Variants in ARHGAP35 observed in about 807,000 individuals in gnomAD.
The protein encoded by ARHGAP35 is rho GTPase-activating protein 35.
In ARHGAP35, 15 loss-of-function variants were observed where a neutral mutation model predicts 111.1. That is an observed-to-expected ratio of 0.13 (90% CI 0.09 to 0.21). The LOEUF (loss-of-function observed/expected upper bound fraction) is 0.21. ARHGAP35 is among the 10% of genes least tolerant of loss of function. The probability of loss-of-function intolerance (pLI) is 1.00; values close to 1 mark genes in which losing one functional copy is unlikely to be tolerated. For missense variants in ARHGAP35, 1,262 were observed against 1,873.0 expected, an observed-to-expected ratio of 0.67 and a Z score of 6.02; for synonymous variants, 643 against 710.3, an observed-to-expected ratio of 0.91 and a Z score of 1.51.
At chr19:46,888,432 G>A (rs968693915) in intron 1 of ARHGAP35, among the ~76,000 whole-genome samples, 15 of 147,904 alleles carry the variant, frequency 1.0e-4, no homozygotes, top group African/African-American at 3.0e-4. Flanking sequence ...CTTCCCTCAT[G>A]CCCTTGGGTA....
chr19:46,909,695 T>C (rs1210859278), intron 1 of ARHGAP35, among the ~76,000 whole-genome samples: 1 of 152,214 alleles, frequency 6.6e-6, no homozygotes, highest in Non-Finnish European at 1.5e-5. Flanking sequence ...ACCAACACTG[T>C]TCTGGGCAAA....
intron 3 of ARHGAP35, among the ~76,000 whole-genome samples, chr19:46,980,664 T>C (rs1599862805): frequency 6.6e-6 from 1 of 151,758 alleles, no homozygotes; most frequent in African/African-American, 2.4e-5. Flanking sequence ...TTGTTAAGAG[T>C]GTAGAGAAAA....
At chr19:46,939,299 G>A (rs1409317352) in intron 3 of ARHGAP35, among the ~76,000 whole-genome samples, 5 of 151,088 alleles carry the variant, frequency 3.3e-5, no homozygotes, top group South Asian at 4.2e-4. Context: ...TTTGACACTC[G>A]TTTTATATTA....
In ARHGAP35 at chr19:46,905,532, C is replaced by G. The variant is rs1482431879; in HGVS notation, c.-188-12956C>G. ...TTGGGACTACAGGCGCCTGCCACCG[C>G]GCCCAGCTAATTTTTGTATTCCACC... On this transcript the variant is annotated intron_variant, in intron 1 of 6. Transcript: ENST00000672722. Among the ~76,000 whole-genome samples, 7 of 149,264 alleles carry G rather than the reference C, an allele frequency of 4.7e-5. 1 individual carries two copies. Among genetic ancestry groups the G allele is most frequent in the Non-Finnish European group, 8.9e-5 (6 of 67,594 alleles).
intron 1 of ARHGAP35, among the ~76,000 whole-genome samples, chr19:46,886,583 C>G (rs1296153353): frequency 2.0e-5 from 3 of 152,082 alleles, no homozygotes; most frequent in Non-Finnish European, 4.4e-5. Flanking sequence ...TTTTTATTAT[C>G]ATTACAGTGA....
chr19:46,996,351 C>T (rs1176268102), intron 5 of ARHGAP35, among the ~76,000 whole-genome samples: 1 of 152,172 alleles, frequency 6.6e-6, no homozygotes, highest in Non-Finnish European at 1.5e-5. Flanking sequence ...GATCCACCCA[C>T]CTCAGCCTCC....
rs1440756593 is a variant in ARHGAP35, at chr19:46,918,558, C to A, written c.-118C>A. 13 of 943,088 alleles carry A rather than the reference C, an allele frequency of 1.4e-5. No homozygotes were observed. The highest frequency in any genetic ancestry group is 2.1e-5 in the Non-Finnish European group (13 of 610,444). The allele number at this position is 943,088 out of a possible 1,614,324, so 58.4% of individuals were successfully genotyped here. A position where few individuals can be genotyped will look rare whatever the true frequency, so the allele number is the denominator to read the frequency against. On this transcript the variant is annotated 5_prime_UTR_variant, in exon 2 of 7. Coordinates refer to ENST00000672722, the MANE Select transcript of ARHGAP35 (RefSeq NM_004491.5). The surrounding 1 kb of genome is among the most constrained non-coding windows in gnomAD (Gnocchi z 5.4). ...CATACTGGTATACAACACTATGGGA[C>A]CTGGCATTTTTGCTGCATGTCCAGC...
At chr19:46,904,879 A>G (rs1417370943) in intron 1 of ARHGAP35, among the ~76,000 whole-genome samples, 1 of 152,108 alleles carries the variant, frequency 6.6e-6, no homozygotes, top group Non-Finnish European at 1.5e-5. Context: ...ACTTGCCCCC[A>G]GCGTCTCCCA....
At chr19:46,943,282 A>G (rs2056359693) in intron 3 of ARHGAP35, among the ~76,000 whole-genome samples, 1 of 152,158 alleles carries the variant, frequency 6.6e-6, no homozygotes, top group Non-Finnish European at 1.5e-5. Context: ...CCTCTTCAGC[A>G]TCCTCAGCTG....
At chr19:46,968,040 A>G (rs1445050662) in intron 3 of ARHGAP35, among the ~76,000 whole-genome samples, 1 of 152,134 alleles carries the variant, frequency 6.6e-6, no homozygotes, top group Admixed American at 6.5e-5. Flanking sequence ...GAGGGAAGGG[A>G]CCGGGTCATC....
At chr19:46,943,922 C>T (rs1458771397) in intron 3 of ARHGAP35, among the ~76,000 whole-genome samples, 1 of 152,128 alleles carries the variant, frequency 6.6e-6, no homozygotes, top group Non-Finnish European at 1.5e-5. Context: ...AAAACCTTGC[C>T]GTGGGGAGGA....
intron 3 of ARHGAP35, among the ~76,000 whole-genome samples, chr19:46,943,487 G>A (rs2056361526): frequency 6.6e-6 from 1 of 152,178 alleles, no homozygotes; most frequent in African/African-American, 2.4e-5. Flanking sequence ...CAGATAGTGG[G>A]CTTGCACTTT....
chr19:46,898,481 G>T (rs1282272219), intron 1 of ARHGAP35, among the ~76,000 whole-genome samples: 3 of 151,894 alleles, frequency 2.0e-5, no homozygotes, highest in Non-Finnish European at 4.4e-5. Flanking sequence ...TCATTTTCTG[G>T]GATATTTTTT....
At chr19:46,885,439 C>T (rs1461215183) in intron 1 of ARHGAP35, among the ~76,000 whole-genome samples, 1 of 152,134 alleles carries the variant, frequency 6.6e-6, no homozygotes, top group Non-Finnish European at 1.5e-5. Flanking sequence ...GTGATGTAAG[C>T]TAAGGATTCA....
At chr19:46,960,562 T>C (rs1297836592) in intron 3 of ARHGAP35, among the ~76,000 whole-genome samples, 1 of 152,194 alleles carries the variant, frequency 6.6e-6, no homozygotes, top group Admixed American at 6.5e-5. Flanking sequence ...TTCCACGTAT[T>C]TCTGTATTGT....
chr19:46,919,973 G>A lies in ARHGAP35; in HGVS notation c.1298G>A (p.Arg433Gln), dbSNP rs180770251. 12 of 1,613,982 alleles carry A rather than the reference G, an allele frequency of 7.4e-6. No individual in the cohort carries two copies. In the East Asian group the frequency reaches 8.9e-5, roughly 12 times the overall value. Residue 433 changes from arginine (R) to glutamine (Q), a missense_variant, in exon 2 of 7, where the codon CGA becomes CAA. Physicochemically the swap from Arg to Gln is conservative, Grantham distance 43. Coordinates refer to ENST00000672722, the MANE Select transcript of ARHGAP35 (RefSeq NM_004491.5). This position sits in a 1 kb window ranked among gnomAD's most constrained non-coding sequence, Gnocchi z 6.2. Reference protein sequence around the residue: ...LRNERKRVEMRRAFKENLETS... With the variant: ...LRNERKRVEMQRAFKENLETS... ...AACGAAAGGAAAAGAGTTGAGATGCGAAGGGCGTTTAAAGAAAACCTGGAG... is the reference window on the plus strand; with the variant it reads ...AACGAAAGGAAAAGAGTTGAGATGCAAAGGGCGTTTAAAGAAAACCTGGAG...
chr19:46,996,763 A>T (rs2056711165), intron 5 of ARHGAP35, among the ~76,000 whole-genome samples: 1 of 152,190 alleles, frequency 6.6e-6, no homozygotes, highest in African/African-American at 2.4e-5. Context: ...TGTGTTTTCT[A>T]ATACGGTCTT....
At position 46,970,316 on chromosome 19, in the gene ARHGAP35, C is replaced by A. The variant is rs183973227; in HGVS notation, c.3827-17673C>A. Among the ~76,000 whole-genome samples the A allele has an allele frequency of 3.2e-3, 485 of 152,234 alleles. 2 individuals carry two copies. Among genetic ancestry groups the A allele is most frequent in the African/African-American group, 0.011 (459 of 41,526 alleles). On this transcript the variant is annotated intron_variant, in intron 3 of 6. Coordinates refer to ENST00000672722, the MANE Select transcript of ARHGAP35 (RefSeq NM_004491.5). ...CTACAAGAGCCATCCTTGGTGTTTG[C>A]AGAAATATTTGTGATTTGAGGAACC...
chr19:46,865,647 C>T (rs1174565139), intron 1 of ARHGAP35, among the ~76,000 whole-genome samples: 3 of 152,026 alleles, frequency 2.0e-5, no homozygotes, highest in Non-Finnish European at 2.9e-5. Context: ...GGAGGTGAGG[C>T]GTCAGGTCAA....
Sources: gnomAD v4.1 joint callset for allele counts (sites outside exome capture counted in the v4.1 genomes callset) on GRCh38, gnomAD v4.1.1 for gene constraint, Gnocchi (gnomAD v3.1) non-coding constraint, MANE v1.5 for transcripts, NCBI Gene and HGNC (gene_info 2026-07-23, HGNC 2026-07-21) for gene names.